The following TESPA1 variants were observed in gnomAD, a reference collection of about 807,000 sequenced individuals.
TESPA1 encodes the protein thymocyte expressed, positive selection associated 1.
TESPA1 carries 33 observed loss-of-function variants against 57.9 expected under a neutral mutation model. That is an observed-to-expected ratio of 0.57 (90% CI 0.43 to 0.76). The LOEUF (loss-of-function observed/expected upper bound fraction) is 0.76. TESPA1 is among the 30% of genes least tolerant of loss of function. TESPA1 has a pLI of 0.00. For missense variants in TESPA1, 618 were observed against 632.9 expected (o/e 0.98, Z 0.25); for synonymous variants, 227 against 228.9 (o/e 0.99, Z 0.07).
chr12:54,964,482 T>C (rs1306278887), intron 7 of TESPA1, among the ~76,000 whole-genome samples: 1 of 152,216 alleles, frequency 6.6e-6, no homozygotes, highest in Non-Finnish European at 1.5e-5. Flanking sequence ...CTAGCACTAT[T>C]TTCAGTACAG....
intron 1 of TESPA1, among the ~76,000 whole-genome samples, chr12:54,977,925 A>T (rs1421575976): frequency 6.6e-6 from 1 of 152,210 alleles, no homozygotes; most frequent in Non-Finnish European, 1.5e-5. Context: ...CTATAAGTAC[A>T]GCAATATCAA....
At chr12:54,979,833 A>G (rs1952249661) in intron 1 of TESPA1, among the ~76,000 whole-genome samples, 1 of 152,206 alleles carries the variant, frequency 6.6e-6, no homozygotes, top group African/African-American at 2.4e-5. Flanking sequence ...CCAGGGAAGC[A>G]GGTGGGGATT....
At chr12:54,977,776 A>G (rs991445423) in intron 1 of TESPA1, among the ~76,000 whole-genome samples, 2 of 152,246 alleles carry the variant, frequency 1.3e-5, no homozygotes, top group South Asian at 2.1e-4. Flanking sequence ...TGAAGAAAAG[A>G]CACAAGGTAG....
intron 3 of TESPA1, among the ~76,000 whole-genome samples, chr12:54,972,041 C>G (rs957226851): frequency 1.3e-5 from 2 of 152,112 alleles, no homozygotes; most frequent in African/African-American, 4.8e-5. Context: ...TTTAAGCGTC[C>G]CACTTTATAG....
Position 54,960,909 on chromosome 12 carries a change from G to C in TESPA1, c.*1+259C>G, listed in dbSNP as rs141142199. The stretch of plus-strand genomic sequence containing the variant: ...TTCAATCAGACACTCTGGGAGCTGG[G>C]ATCTGGTCATTTGTATTTTAACAAG... On this transcript the variant is annotated intron_variant, in intron 10 of 10. Transcript: ENST00000449076. Among the ~76,000 whole-genome samples the C allele has an allele frequency of 2.0e-5, 3 of 152,128 alleles. No homozygotes were observed. The East Asian group carries it at 5.8e-4, about 29-fold the overall frequency.
intron 10 of TESPA1, among the ~76,000 whole-genome samples, chr12:54,950,867 G>C (rs1177170793): frequency 1.3e-5 from 2 of 152,112 alleles, no homozygotes; most frequent in Non-Finnish European, 2.9e-5. Flanking sequence ...AGGAAAAAGA[G>C]AGAAAGAAAT....
chr12:54,953,481 C>T (rs1950526149), intron 10 of TESPA1, among the ~76,000 whole-genome samples: 1 of 151,758 alleles, frequency 6.6e-6, no homozygotes, highest in African/African-American at 2.4e-5. Context: ...ATGTTGGACA[C>T]ATCTGTCCAG....
chr12:54,982,415 A>G (rs1190197060), intron 1 of TESPA1, among the ~76,000 whole-genome samples: 3 of 152,242 alleles, frequency 2.0e-5, no homozygotes, highest in Non-Finnish European at 4.4e-5. Flanking sequence ...CTCCCTTTTC[A>G]TACTCTTTCT....
chr12:54,973,721 T>G, intron 2 of TESPA1: 1 of 1,333,808 alleles, frequency 7.5e-7, no homozygotes, highest in Admixed American at 3.4e-5. Flanking sequence ...CTGCTTCTTT[T>G]CTCCCTTCCT....
At chr12:54,973,231 A>C (rs1176407221) in intron 3 of TESPA1, among the ~76,000 whole-genome samples, 2 of 152,180 alleles carry the variant, frequency 1.3e-5, no homozygotes, top group Non-Finnish European at 2.9e-5. Context: ...CTTTAGCTCA[A>C]ACCCAACCTC....
chr12:54,980,580 C>G (rs1252670397), intron 1 of TESPA1, among the ~76,000 whole-genome samples: 1 of 152,162 alleles, frequency 6.6e-6, no homozygotes, highest in African/African-American at 2.4e-5. Context: ...TGGGGCCTGT[C>G]TGGGGAGTCT....
chr12:54,956,166 G>A (rs140281880), intron 10 of TESPA1, among the ~76,000 whole-genome samples: 2 of 152,300 alleles, frequency 1.3e-5, no homozygotes, highest in East Asian at 1.9e-4. Context: ...GTTCCACCAA[G>A]TACAAACAGA....
rs1337068903 is a variant in TESPA1, at chr12:54,948,171, G to C, written c.*2221C>G. 6.5e-6 allele frequency: 1 copy of C among 152,694 alleles called. No individual in the cohort carries two copies. Among genetic ancestry groups the C allele is most frequent in the African/African-American group, 2.4e-5 (1 of 41,436 alleles). 9.5% of individuals were successfully genotyped at this position (152,694 alleles called of 1,614,324 possible). The stretch of plus-strand genomic sequence containing the variant: ...AGGGGATTATTCTCTGGCAGGCAGG[G>C]GTGGGGGTCACAAGGTGCTCAGTGG... On this transcript the variant is annotated 3_prime_UTR_variant, in exon 11 of 11. Transcript: ENST00000449076.
chr12:54,962,307 G>A, intron 9 of TESPA1, 124 bp downstream of exon 9: 7 of 1,109,330 alleles, frequency 6.3e-6, no homozygotes, highest in Non-Finnish European at 7.7e-6. Context: ...ATCAGAAAGT[G>A]GTATATCTGG....
chr12:54,963,980 G>A (rs751735347), intron 7 of TESPA1, 30 bp from the exon 8 acceptor site: 3 of 1,601,596 alleles, frequency 1.9e-6, no homozygotes, highest in South Asian at 2.2e-5. Context: ...GTAAATAAGG[G>A]ACAACTTTGA....
chr12:54,963,215 G>A lies in TESPA1; in HGVS notation c.683C>T (p.Ala228Val), dbSNP rs1592353127. The A allele has an allele frequency of 6.2e-7, 1 of 1,613,096 alleles. No homozygotes were observed. The highest frequency in any genetic ancestry group is 1.1e-5 in the South Asian group (1 of 90,868). The change falls in exon 9 of 11, where the codon GCT (alanine) becomes GTT (valine). Residue 228 changes from alanine to valine, a missense_variant. Transcript: ENST00000449076. ...ACAGAAGAAGGCATCAGCAGTGACA[G>A]CCAGTGTTTGCACCTGCTTAAACCT... ...ASRFKQVQTLAVTADAFFCLY... is the reference protein window; with the variant it reads ...ASRFKQVQTLVVTADAFFCLY...
At position 54,958,490 on chromosome 12, in the gene TESPA1, G is replaced by GT. The variant is rs200400564; in HGVS notation, c.*1+2677dup. Among the ~76,000 whole-genome samples the GT allele has an allele frequency of 6.0e-4, 85 of 142,298 alleles. 1 individual carries two copies. The highest frequency in any genetic ancestry group is 2.3e-3 in the African/African-American group (82 of 36,118). The allele number at this position is 142,298 out of a possible 152,430, so 93.4% of individuals were successfully genotyped here. Reference sequence around the variant, plus strand: ...TATAAGCTTAGGTGTAGATTTTTGCGTTTTTTTGTGCGTGTGTTTATTCTT... The same window carrying GT: ...TATAAGCTTAGGTGTAGATTTTTGCGTTTTTTTTGTGCGTGTGTTTATTCTT... On this transcript the variant is annotated intron_variant, in intron 10 of 10. Coordinates refer to ENST00000449076, the MANE Select transcript of TESPA1 (RefSeq NM_001136030.3).
At chr12:54,981,245 T>C (rs1952307837) in intron 1 of TESPA1, among the ~76,000 whole-genome samples, 2 of 152,120 alleles carry the variant, frequency 1.3e-5, no homozygotes, top group Non-Finnish European at 2.9e-5. Flanking sequence ...TCTAAGATGT[T>C]CACTAAAGTT....
At chr12:54,977,037 TA>T (rs1952163493) in intron 1 of TESPA1, among the ~76,000 whole-genome samples, 1 of 152,022 alleles carries the variant, frequency 6.6e-6, no homozygotes, top group Non-Finnish European at 1.5e-5. Flanking sequence ...CAGCCTACCT[TA>T]ATCGCTTTCA....
Sources: allele counts gnomAD v4.1 joint callset (sites outside exome capture counted in the v4.1 genomes callset), GRCh38; gene constraint gnomAD v4.1.1; transcripts MANE v1.5; gene names NCBI Gene and HGNC (gene_info 2026-07-23, HGNC 2026-07-21).